The following EYS variants were observed in gnomAD, a reference collection of about 807,000 sequenced individuals.
EYS encodes the protein EGF-like photoreceptor maintenance factor, also known as protein eyes shut homolog.
Under a neutral mutation model 282.1 loss-of-function variants are expected in EYS, and 250 were observed. That is an observed-to-expected ratio of 0.89 (90% confidence interval 0.80 to 0.98). The LOEUF is 0.98. EYS is among the 50% of genes least tolerant of loss of function. EYS has a pLI of 0.00. For synonymous variants in EYS, 1,355 were observed against 1,282.9 expected, an observed-to-expected ratio of 1.06 and a Z score of -1.20; for missense variants, 4,016 against 3,709.0, an observed-to-expected ratio of 1.08 and a Z score of -2.15.
intron 22 of EYS, among the ~76,000 whole-genome samples, chr6:64,677,345 C>G (rs895077847): frequency 1.3e-5 from 2 of 152,196 alleles, no homozygotes. Flanking sequence ...AAACGCAATG[C>G]TACTTTATTA....
chr6:65,010,933 G>A (rs990305303), intron 13 of EYS, among the ~76,000 whole-genome samples: 3 of 152,106 alleles, frequency 2.0e-5, no homozygotes, highest in Non-Finnish European at 4.4e-5. Context: ...AGAAAGGAAA[G>A]GAAAGGAAAA....
chr6:65,251,882 T>G (rs1767334328), intron 12 of EYS, among the ~76,000 whole-genome samples: 1 of 151,872 alleles, frequency 6.6e-6, no homozygotes, highest in African/African-American at 2.4e-5. Flanking sequence ...ATCCCTTTTT[T>G]TGTTGTTTTT....
intron 29 of EYS, among the ~76,000 whole-genome samples, chr6:64,314,231 A>C (rs759393097): frequency 3.6e-5 from 5 of 138,486 alleles, no homozygotes; most frequent in Non-Finnish European, 6.2e-5. Context: ...AGGGGTTGCA[A>C]TCCTAGTTTC....
chr6:64,373,757 C>A (rs1358373038), intron 29 of EYS, among the ~76,000 whole-genome samples: 1 of 152,140 alleles, frequency 6.6e-6, no homozygotes, highest in Non-Finnish European at 1.5e-5. Flanking sequence ...TCTATGCCTG[C>A]CAGCTAAGTT....
rs558830287 is a variant in EYS, at chr6:65,574,525, C to A, written c.-333+65253G>T. 2.0e-5 allele frequency among the ~76,000 whole-genome samples: 3 copies of A among 151,990 alleles called. No individual in the cohort carries two copies. In the East Asian group the frequency reaches 5.8e-4, roughly 29 times the overall value. On this transcript the variant is annotated intron_variant, in intron 2 of 42. Transcript: ENST00000503581. ...AAACTTTAAGTAAAAAACTCTAAAACAAAACAAAGAAGGGCAATATATAAT... is the reference window on the plus strand; with the variant it reads ...AAACTTTAAGTAAAAAACTCTAAAAAAAAACAAAGAAGGGCAATATATAAT...
chr6:64,287,562 T>C (rs1450110389), intron 30 of EYS, among the ~76,000 whole-genome samples: 3 of 152,068 alleles, frequency 2.0e-5, no homozygotes, highest in Non-Finnish European at 2.9e-5. Flanking sequence ...CCTTGAAAAG[T>C]TCTACCCTTT....
At chr6:65,376,475 G>T (rs145035858) in intron 8 of EYS, among the ~76,000 whole-genome samples, 1 of 152,074 alleles carries the variant, frequency 6.6e-6, no homozygotes, top group Non-Finnish European at 1.5e-5. Flanking sequence ...CAACTAATGT[G>T]CAAAATGACC....
At chr6:64,903,024 G>T (rs1448924604) in intron 16 of EYS, among the ~76,000 whole-genome samples, 2 of 151,672 alleles carry the variant, frequency 1.3e-5, no homozygotes, top group Non-Finnish European at 2.9e-5. Context: ...TAAAAAAAAT[G>T]AACATGAAAG....
intron 12 of EYS, among the ~76,000 whole-genome samples, chr6:65,074,642 G>T (rs1211991055): frequency 6.6e-6 from 1 of 151,996 alleles, no homozygotes; most frequent in Non-Finnish European, 1.5e-5. Context: ...TAGCAGCAAA[G>T]CAGTAATATC....
intron 16 of EYS, among the ~76,000 whole-genome samples, chr6:64,909,639 G>A (rs1049159060): frequency 6.6e-6 from 1 of 152,048 alleles, no homozygotes; most frequent in Non-Finnish European, 1.5e-5. Flanking sequence ...GTTTTAGTCA[G>A]AAGACAGAAG....
At chr6:64,128,812 T>C (rs770955970) in intron 31 of EYS, among the ~76,000 whole-genome samples, 5 of 152,192 alleles carry the variant, frequency 3.3e-5, no homozygotes, top group Non-Finnish European at 7.4e-5. Flanking sequence ...GCTCACTGTG[T>C]ATGGAAGGGT....
chr6:65,601,632 A>C (rs1251441569), intron 2 of EYS, among the ~76,000 whole-genome samples: 1 of 152,002 alleles, frequency 6.6e-6, no homozygotes, highest in African/African-American at 2.4e-5. Context: ...CTAAGATGGA[A>C]TAATAGCTCA....
chr6:63,893,205 A>G (rs561391792), intron 35 of EYS, among the ~76,000 whole-genome samples: 7 of 152,262 alleles, frequency 4.6e-5, no homozygotes, highest in African/African-American at 1.7e-4. Context: ...ATGCCATTTG[A>G]CCCAGCAATC....
At chr6:64,379,176 G>A (rs879523607) in intron 29 of EYS, among the ~76,000 whole-genome samples, 3 of 152,062 alleles carry the variant, frequency 2.0e-5, no homozygotes, top group Non-Finnish European at 4.4e-5. Context: ...TGGGGTTTCT[G>A]TTCTATAGCC....
At chr6:64,161,340 G>A (rs1246848639) in intron 31 of EYS, among the ~76,000 whole-genome samples, 1 of 152,174 alleles carries the variant, frequency 6.6e-6, no homozygotes, top group Non-Finnish European at 1.5e-5. Context: ...AGAACCAGCA[G>A]TTAGGGCATG....
chr6:63,782,966 T>A (rs917941098), intron 39 of EYS, among the ~76,000 whole-genome samples: 11 of 151,656 alleles, frequency 7.3e-5, no homozygotes, highest in African/African-American at 1.7e-4. Context: ...TTTTTTTTTT[T>A]ATCCTGGGTT....
intron 12 of EYS, among the ~76,000 whole-genome samples, chr6:65,290,970 T>C (rs1463200313): frequency 1.3e-5 from 2 of 151,466 alleles, no homozygotes; most frequent in East Asian, 1.9e-4. Flanking sequence ...ACCATTAATA[T>C]TGTACTTTGT....
intron 35 of EYS, among the ~76,000 whole-genome samples, chr6:63,952,537 G>T (rs1334082055): frequency 6.6e-6 from 1 of 152,128 alleles, no homozygotes; most frequent in African/African-American, 2.4e-5. Context: ...TGATGGCCAG[G>T]CTTCTAAACC....
chr6:64,790,486 C>T (rs1774156813), intron 22 of EYS, among the ~76,000 whole-genome samples: 1 of 151,702 alleles, frequency 6.6e-6, no homozygotes, highest in South Asian at 2.1e-4. Flanking sequence ...CGATAAGATA[C>T]AGAAAAAATA....
Sources: gnomAD v4.1 joint callset for allele counts (sites outside exome capture counted in the v4.1 genomes callset) on GRCh38, gnomAD v4.1.1 for gene constraint, MANE v1.5 for transcripts, NCBI Gene and HGNC (gene_info 2026-07-23, HGNC 2026-07-21) for gene names.